Variants in LPIN1 observed in about 807,000 individuals in gnomAD.
LPIN1 encodes phosphatidate phosphatase LPIN1.
Under a neutral mutation model 107.5 loss-of-function variants are expected in LPIN1, and 71 were observed. That is an observed-to-expected ratio of 0.66 (90% CI 0.55 to 0.80). The LOEUF is 0.80. Ranked by LOEUF, LPIN1 falls within the 30% of genes least tolerant of loss-of-function variation. LPIN1 has a pLI of 0.00. For missense variants in LPIN1, 1,043 were observed against 1,160.6 expected (o/e 0.90, Z 1.47); for synonymous variants, 445 against 452.6 (o/e 0.98, Z 0.21).
chr2:11,678,870 G>T (rs1327542952), intron 1 of LPIN1, among the ~76,000 whole-genome samples: 1 of 152,250 alleles, frequency 6.6e-6, no homozygotes, highest in Non-Finnish European at 1.5e-5. Context: ...CCCTCTACAT[G>T]ATGGGGACAG....
chr2:11,804,523 A>C lies in LPIN1; in HGVS notation c.2114A>C (p.Asn705Thr). The change falls in exon 16 of 21, where the codon AAC becomes ACC. Residue 705 changes from asparagine (N) to threonine (T), a missense_variant. By Grantham distance (65) the Asn-to-Thr change is moderately conservative. Transcript: ENST00000674199. ...TGTGAGGGCACCATCTATCTGTGGA[A>C]CTGGGATGATAAAGTCATCATTTCT... ...CRCEGTIYLWNWDDKVIISDI... is the reference protein window; with the variant it reads ...CRCEGTIYLWTWDDKVIISDI... 1 of 1,614,210 alleles carries C rather than the reference A, an allele frequency of 6.2e-7. No homozygotes were observed. The highest frequency in any genetic ancestry group is 8.5e-7 in the Non-Finnish European group (1 of 1,180,032).
chr2:11,708,553 C>T (rs566405427), intron 1 of LPIN1, among the ~76,000 whole-genome samples: 1 of 152,216 alleles, frequency 6.6e-6, no homozygotes, highest in South Asian at 2.1e-4. Flanking sequence ...GGCCTTAACT[C>T]CTGGGCAATG....
At chr2:11,792,392 T>G (rs1675918658) in intron 13 of LPIN1, 1 of 243,976 alleles carries the variant, frequency 4.1e-6, no homozygotes, top group Admixed American at 5.0e-5. Context: ...CCTCCCCTCC[T>G]TTCTTTTTTG....
chr2:11,819,269 G>A, intron 18 of LPIN1: 2 of 551,042 alleles, frequency 3.6e-6, no homozygotes, highest in Non-Finnish European at 6.5e-6. Context: ...TGGTGAAATG[G>A]CTCATCCTTG....
rs201744351 is a variant in LPIN1 at position 11,771,517 on chromosome 2, C to T, written c.434C>T (p.Thr145Met). 6.3e-5 allele frequency: 101 copies of T among 1,614,004 alleles called. 1 individual carries two copies. The highest frequency in any genetic ancestry group is 2.9e-4 in the African/African-American group (22 of 74,900). The change falls in exon 4 of 21, where the codon ACG becomes ATG. Residue 145 changes from threonine (T) to methionine (M), a missense_variant. Thr to Met is a moderately conservative substitution (Grantham distance 81). Transcript: ENST00000674199. The surrounding 1 kb of genome is among the most constrained non-coding windows in gnomAD (Gnocchi z 4.8). ...GCCCAAGTGATCGCTCCCAGCGAGA[C>T]GCCGTCAAGCAGCTCTGTAGTAAAG... ...TPAQVIAPSE[T>M]PSSSSVVKKR...
intron 14 of LPIN1, among the ~76,000 whole-genome samples, chr2:11,795,805 A>G (rs563980203): frequency 6.6e-6 from 1 of 152,362 alleles, no homozygotes; most frequent in South Asian, 2.1e-4. Context: ...AGTGAGAATA[A>G]TGACAGTGAT....
chr2:11,776,501 A>G (rs1481312457), intron 6 of LPIN1, among the ~76,000 whole-genome samples: 1 of 151,674 alleles, frequency 6.6e-6, no homozygotes, highest in Non-Finnish European at 1.5e-5. Context: ...ATTTTACCTA[A>G]TTCTGTGAAG....
At chr2:11,802,749 G>A (rs1465568997) in intron 14 of LPIN1, among the ~76,000 whole-genome samples, 158 bp from the exon 15 acceptor site, 1 of 152,144 alleles carries the variant, frequency 6.6e-6, no homozygotes, top group Non-Finnish European at 1.5e-5. Context: ...TGTAGTGAGA[G>A]TTCATTGATA....
upstream of LPIN1, among the ~76,000 whole-genome samples, chr2:11,743,568 C>T (rs1666581685): frequency 6.6e-6 from 1 of 152,190 alleles, no homozygotes; most frequent in African/African-American, 2.4e-5. The surrounding 1 kb of genome is among the most constrained non-coding windows in gnomAD (Gnocchi z 4.7). Flanking sequence ...AAAGTCACCT[C>T]GTGAGGGGCC....
In LPIN1 at chr2:11,820,586, C is replaced by A; in HGVS notation, c.2621+72C>A. The A allele has an allele frequency of 9.0e-6, 10 of 1,115,924 alleles. No individual in the cohort carries two copies. In the South Asian group the frequency reaches 1.3e-4, roughly 14 times the overall value. 69.1% of individuals were successfully genotyped at this position (1,115,924 alleles called of 1,614,324 possible). A position where few individuals can be genotyped will look rare whatever the true frequency, so the allele number is the denominator to read the frequency against. On this transcript the variant is annotated intron_variant, in intron 20 of 20. Coordinates refer to ENST00000674199, the MANE Select transcript of LPIN1 (RefSeq NM_001349206.2). ...TCTTAAAACGGTGCTTCCCAGTTTG[C>A]GGTGTACCTTTTCCCCTTTGCTGCC...
intron 19 of LPIN1, among the ~76,000 whole-genome samples, chr2:11,819,983 G>A (rs1041992364): frequency 1.3e-5 from 2 of 152,148 alleles, no homozygotes; most frequent in Admixed American, 6.5e-5. Context: ...GTGTTGTCTC[G>A]TATCATGAAA....
In LPIN1 at chr2:11,782,281, T is replaced by G. The variant is rs1673699847; in HGVS notation, c.1038T>G (p.Ile346Met). 1 of 1,614,176 alleles carries G rather than the reference T, an allele frequency of 6.2e-7. No homozygotes were observed. Reference protein sequence around the residue: ...KICDKSHFQAIHSESSDTFSD... With the variant: ...KICDKSHFQAMHSESSDTFSD... ...GTGATAAAAGTCACTTTCAGGCCAT[T>G]CACAGCGAATCTTCAGACACTTTTA... Residue 346 changes from isoleucine to methionine, a missense_variant, in exon 8 of 21, where the codon ATT becomes ATG. Ile to Met is a conservative substitution (Grantham distance 10). Transcript: ENST00000674199.
chr2:11,755,058 C>T (rs1457775249), intron 1 of LPIN1, among the ~76,000 whole-genome samples: 2 of 151,724 alleles, frequency 1.3e-5, no homozygotes, highest in African/African-American at 2.4e-5. Context: ...CTCTGCCTCC[C>T]GGGTTCACGC....
intron 10 of LPIN1, among the ~76,000 whole-genome samples, chr2:11,785,517 C>A (rs990450359): frequency 6.6e-6 from 1 of 152,178 alleles, no homozygotes; most frequent in Non-Finnish European, 1.5e-5. Flanking sequence ...TCATTCACAG[C>A]ACCTGCCACA....
At chr2:11,800,927 C>T (rs1389262462) in intron 14 of LPIN1, among the ~76,000 whole-genome samples, 2 of 152,166 alleles carry the variant, frequency 1.3e-5, no homozygotes, top group African/African-American at 4.8e-5. Context: ...ATATCTTCTT[C>T]CATTTAACGG....
intron 18 of LPIN1, chr2:11,818,437 T>A (rs1263133983): frequency 6.6e-6 from 1 of 152,248 alleles, no homozygotes; most frequent in Non-Finnish European, 1.5e-5. Flanking sequence ...AAAATTTGAT[T>A]TAAAATACCA....
intron 1 of LPIN1, among the ~76,000 whole-genome samples, chr2:11,696,784 G>A (rs981202418): frequency 1.8e-4 from 28 of 152,356 alleles, no homozygotes; most frequent in African/African-American, 6.0e-4. Context: ...GCAGTGGCCC[G>A]AGGGAGCTCC....
At chr2:11,781,635 A>C (rs1438211121) in intron 7 of LPIN1, among the ~76,000 whole-genome samples, 1 of 152,228 alleles carries the variant, frequency 6.6e-6, no homozygotes, top group African/African-American at 2.4e-5. Context: ...CTTTATTGAA[A>C]TATACATACA....
chr2:11,678,662 C>A (rs1661552465), intron 1 of LPIN1, among the ~76,000 whole-genome samples: 1 of 152,224 alleles, frequency 6.6e-6, no homozygotes. Context: ...ATCCTCAGGG[C>A]AGTGCCTTCC....
Sources: gnomAD v4.1 joint callset for allele counts (sites outside exome capture counted in the v4.1 genomes callset) on GRCh38, gnomAD v4.1.1 for gene constraint, Gnocchi (gnomAD v3.1) non-coding constraint, MANE v1.5 for transcripts, NCBI Gene and HGNC (gene_info 2026-07-23, HGNC 2026-07-21) for gene names.